Variants in FBXW11 observed in about 807,000 individuals in gnomAD.
FBXW11 encodes F-box/WD repeat-containing protein 11.
In FBXW11, 19 loss-of-function variants were observed where a neutral mutation model predicts 77.6. The ratio of observed to expected loss-of-function variants is 0.24; its 90% CI spans 0.17 to 0.36. The LOEUF (loss-of-function observed/expected upper bound fraction) is 0.36. Among genes scored for constraint, FBXW11 ranks in the 10% least tolerant of loss-of-function variants. FBXW11 has a pLI of 1.00. For missense variants in FBXW11, 334 were observed against 704.2 expected, an observed-to-expected ratio of 0.47 and a Z score of 5.95; for synonymous variants, 235 against 249.4, an observed-to-expected ratio of 0.94 and a Z score of 0.54.
intron 4 of FBXW11, among the ~76,000 whole-genome samples, chr5:171,907,011 G>T (rs1760571222): frequency 6.6e-6 from 1 of 152,128 alleles, no homozygotes; most frequent in Admixed American, 6.5e-5. Context: ...GATCACCAAT[G>T]CTTATCATCC....
At chr5:171,928,736 A>G (rs147847243) in intron 2 of FBXW11, among the ~76,000 whole-genome samples, 59 of 152,392 alleles carry the variant, frequency 3.9e-4, no homozygotes, top group African/African-American at 1.3e-3. Context: ...GTCCTGAAGG[A>G]CAAAGCTAGA....
intron 6 of FBXW11, among the ~76,000 whole-genome samples, chr5:171,898,554 C>T (rs1759904970): frequency 6.6e-6 from 1 of 152,140 alleles, no homozygotes; most frequent in African/African-American, 2.4e-5. Flanking sequence ...ATAAAATCCA[C>T]TTAACTATTG....
chr5:171,963,432 A>C (rs961884001), intron 1 of FBXW11, among the ~76,000 whole-genome samples: 1 of 152,208 alleles, frequency 6.6e-6, no homozygotes, highest in Non-Finnish European at 1.5e-5. Flanking sequence ...GAGATGAGAA[A>C]GGCTTAATTA....
chr5:171,876,675 CA>C lies in FBXW11; in HGVS notation c.972-142del. On this transcript the variant is annotated intron_variant, in intron 8 of 13. Transcript: ENST00000517395. The surrounding 1 kb of genome is among the most constrained non-coding windows in gnomAD (Gnocchi z 4.2). Reference sequence around the variant, plus strand: ...CAAATCTCATGTTGAAATTGATCCTCAATGTTGGAGGTGGGGCCTGGCAGGA... The same window carrying C: ...CAAATCTCATGTTGAAATTGATCCTCATGTTGGAGGTGGGGCCTGGCAGGA... 1 of 1,153,844 alleles carries C rather than the reference CA, an allele frequency of 8.7e-7. No individual in the cohort carries two copies. The highest frequency in any genetic ancestry group is 1.2e-6 in the Non-Finnish European group (1 of 817,968). 71.5% of individuals were successfully genotyped at this position (1,153,844 alleles called of 1,614,324 possible). A position where few individuals can be genotyped will look rare whatever the true frequency, so the allele number is the denominator to read the frequency against.
chr5:171,986,564 T>C (rs890006303), intron 1 of FBXW11, among the ~76,000 whole-genome samples: 33 of 151,946 alleles, frequency 2.2e-4, no homozygotes, highest in African/African-American at 6.8e-4. Context: ...CCATCTCTGC[T>C]AAAAATACAA....
intron 2 of FBXW11, among the ~76,000 whole-genome samples, chr5:171,922,917 G>A (rs912798381): frequency 1.3e-5 from 2 of 152,084 alleles, no homozygotes; most frequent in Non-Finnish European, 2.9e-5. Flanking sequence ...GTGTGTGTGT[G>A]TGTGCGTGTG....
chr5:171,912,677 T>C (rs1760956122), intron 3 of FBXW11, among the ~76,000 whole-genome samples: 1 of 152,064 alleles, frequency 6.6e-6, no homozygotes, highest in Admixed American at 6.6e-5. Flanking sequence ...GAGGCCAAGT[T>C]GGCTGGATCA....
In FBXW11 at chr5:172,006,556, G is replaced by GCGGAGGAGGCGA. The variant is rs1454217517; in HGVS notation, c.-66_-55dup. 19 of 1,458,358 alleles carry GCGGAGGAGGCGA rather than the reference G, an allele frequency of 1.3e-5. No individual in the cohort carries two copies. Among genetic ancestry groups the GCGGAGGAGGCGA allele is most frequent in the Non-Finnish European group, 1.5e-5 (17 of 1,102,872 alleles). 90.3% of individuals were successfully genotyped at this position (1,458,358 alleles called of 1,614,324 possible). On this transcript the variant is annotated 5_prime_UTR_variant, in exon 1 of 14. Transcript: ENST00000517395. The stretch of plus-strand genomic sequence containing the variant: ...CCCCGCGCAGCAGCGAACGGCCCGG[G>GCGGAGGAGGCGA]CGGAGGAGGCGACGGCGGAGGCGGC...
chr5:171,878,227 A>C (rs1758233444), intron 7 of FBXW11, 98 bp from the exon 8 acceptor site: 3 of 818,964 alleles, frequency 3.7e-6, no homozygotes, highest in African/African-American at 3.4e-5. Flanking sequence ...AATAAAACAC[A>C]CTTGGGTTAC....
intron 2 of FBXW11, among the ~76,000 whole-genome samples, chr5:171,947,229 C>T (rs551403359): frequency 6.6e-6 from 1 of 152,264 alleles, no homozygotes; most frequent in Non-Finnish European, 1.5e-5. Flanking sequence ...GTAAGAACAT[C>T]ATAAGTCATT....
At chr5:171,899,818 C>T in intron 5 of FBXW11, 96 bp downstream of exon 5, 3 of 1,113,562 alleles carry the variant, frequency 2.7e-6, no homozygotes, top group Middle Eastern at 3.1e-4. Context: ...TAAAAATAGG[C>T]CAGCACATTT....
At chr5:171,944,277 G>C (rs947854502) in intron 2 of FBXW11, among the ~76,000 whole-genome samples, 16 of 151,494 alleles carry the variant, frequency 1.1e-4, no homozygotes, top group Non-Finnish European at 2.4e-4. Flanking sequence ...CATATGCATA[G>C]ATTTAAAAGT....
At chr5:171,910,504 T>C (rs1399011241) in intron 4 of FBXW11, 68 bp downstream of exon 4, 3 of 1,049,406 alleles carry the variant, frequency 2.9e-6, no homozygotes, top group Non-Finnish European at 4.2e-6. Context: ...ATTTCATAAA[T>C]ATCCACCTAG....
chr5:171,939,807 CCT>C (rs1762658067), intron 2 of FBXW11, among the ~76,000 whole-genome samples: 1 of 151,846 alleles, frequency 6.6e-6, no homozygotes, highest in South Asian at 2.1e-4. Context: ...GCGTGTCATC[CCT>C]CAGTGTCATC....
chr5:171,946,152 C>G (rs1228647247), intron 2 of FBXW11, among the ~76,000 whole-genome samples: 1 of 152,180 alleles, frequency 6.6e-6, no homozygotes, highest in African/African-American at 2.4e-5. Context: ...CAGGCTGCAA[C>G]AGGGAAATCT....
chr5:171,928,852 C>G (rs1369924392), intron 2 of FBXW11, among the ~76,000 whole-genome samples: 1 of 152,178 alleles, frequency 6.6e-6, no homozygotes, highest in East Asian at 1.9e-4. Context: ...GCAGGCAGAT[C>G]ACTTGAGGTC....
intron 10 of FBXW11, among the ~76,000 whole-genome samples, chr5:171,871,800 C>T (rs914142576): frequency 1.3e-5 from 2 of 152,168 alleles, no homozygotes; most frequent in African/African-American, 4.8e-5. Context: ...TCTTAGTACC[C>T]GTGATGATAG....
intron 1 of FBXW11, among the ~76,000 whole-genome samples, chr5:171,972,502 T>TAAAAAAA (rs70982360): frequency 4.1e-5 from 2 of 48,218 alleles, no homozygotes; most frequent in South Asian, 1.6e-3. Context: ...CTCTGTCTCA[T>TAAAAAAA]AAAAAAAAAA....
chr5:171,981,886 T>C (rs1765167107), intron 1 of FBXW11, among the ~76,000 whole-genome samples: 1 of 152,240 alleles, frequency 6.6e-6, no homozygotes, highest in Non-Finnish European at 1.5e-5. Context: ...ACAACAAGAA[T>C]GAATCTAAGA....
Sources: gnomAD v4.1 joint callset for allele counts (sites outside exome capture counted in the v4.1 genomes callset) on GRCh38, gnomAD v4.1.1 for gene constraint, Gnocchi (gnomAD v3.1) non-coding constraint, MANE v1.5 for transcripts, NCBI Gene and HGNC (gene_info 2026-07-23, HGNC 2026-07-21) for gene names.